Variants in STK38L observed in about 807,000 individuals in gnomAD.
STK38L encodes serine/threonine-protein kinase 38-like.
In STK38L, 28 loss-of-function variants were observed where a neutral mutation model predicts 59.7. That is an observed-to-expected ratio of 0.47 (90% CI 0.35 to 0.64). STK38L has a LOEUF of 0.64. Among genes scored for constraint, STK38L ranks in the 30% least tolerant of loss-of-function variants. STK38L has a pLI of 0.01. For missense variants in STK38L, 314 were observed against 555.8 expected (o/e 0.56, Z 4.37); for synonymous variants, 162 against 176.8 (o/e 0.92, Z 0.66).
At chr12:27,300,189 TCTG>T (rs1424501715) in intron 2 of STK38L, among the ~76,000 whole-genome samples, 1 of 152,196 alleles carries the variant, frequency 6.6e-6, no homozygotes, top group Non-Finnish European at 1.5e-5. Context: ...AGTCGAACAA[TCTG>T]CTCATATTTT....
At chr12:27,274,361 A>G (rs1943487962) in intron 1 of STK38L, among the ~76,000 whole-genome samples, 1 of 152,214 alleles carries the variant, frequency 6.6e-6, no homozygotes, top group South Asian at 2.1e-4. Flanking sequence ...CCAGAACTTA[A>G]CTATCCTCTC....
At chr12:27,257,638 A>G (rs1943117279) in intron 1 of STK38L, among the ~76,000 whole-genome samples, 1 of 152,144 alleles carries the variant, frequency 6.6e-6, no homozygotes, top group East Asian at 1.9e-4. Context: ...CCAGAGGATG[A>G]CTTAATTTTC....
chr12:27,257,528 C>T (rs1212199525), intron 1 of STK38L, among the ~76,000 whole-genome samples: 1 of 152,232 alleles, frequency 6.6e-6, no homozygotes, highest in Non-Finnish European at 1.5e-5. Flanking sequence ...TTTGACCAGA[C>T]TTGGGTATCC....
Position 27,319,164 on chromosome 12 carries a change from TA to T in STK38L, c.1080-163del, listed in dbSNP as rs1461218363. Among the ~76,000 whole-genome samples, 3 of 152,328 alleles carry T rather than the reference TA, an allele frequency of 2.0e-5. No individual in the cohort carries two copies. The East Asian group carries it at 5.8e-4, about 29-fold the overall frequency. ...AGTAGTTATCTCTAAACAGTGCGCT[TA>T]CAGATGATTTTTATTTTCTTCCACA... On this transcript the variant is annotated intron_variant, in intron 11 of 13. Transcript: ENST00000389032.
chr12:27,251,563 A>G (rs1301850764), intron 1 of STK38L, among the ~76,000 whole-genome samples: 1 of 152,216 alleles, frequency 6.6e-6, no homozygotes, highest in African/African-American at 2.4e-5. Context: ...TTGTAGAGTA[A>G]AAGCTGCTAC....
intron 1 of STK38L, among the ~76,000 whole-genome samples, chr12:27,256,280 A>T (rs150413051): frequency 1.3e-5 from 2 of 152,118 alleles, no homozygotes; most frequent in Non-Finnish European, 2.9e-5. Context: ...GTGACTCCCC[A>T]TGGCCTCTTC....
At position 27,324,546 on chromosome 12, in the gene STK38L, C is replaced by T. The variant is rs1318189439; in HGVS notation, c.*2091C>T. On this transcript the variant is annotated 3_prime_UTR_variant, in exon 14 of 14. Transcript: ENST00000389032. ...TTTACCTAAGTTTACTTTTTAATTG[C>T]ATAATAGAGCATTTTTTGTTTTGAG... The T allele has an allele frequency of 6.6e-6, 1 of 151,990 alleles. No homozygotes were observed. Among genetic ancestry groups the T allele is most frequent in the Non-Finnish European group, 1.5e-5 (1 of 67,924 alleles). The allele number at this position is 151,990 out of a possible 1,614,324, so 9.4% of individuals were successfully genotyped here. A position where few individuals can be genotyped will look rare whatever the true frequency, so the allele number is the denominator to read the frequency against.
In STK38L at chr12:27,269,963, C is replaced by CT. The variant is rs1183956188; in HGVS notation, c.-12+25637dup. Among the ~76,000 whole-genome samples, 8 of 152,260 alleles carry CT rather than the reference C, an allele frequency of 5.3e-5. No individual in the cohort carries two copies. In the East Asian group the frequency reaches 1.2e-3, roughly 22 times the overall value. On this transcript the variant is annotated intron_variant, in intron 1 of 13. Coordinates refer to ENST00000389032, the MANE Select transcript of STK38L (RefSeq NM_015000.4). ...CGGCCAACTTTCAATCGTAAGTACC[C>CT]TTTTTTGCTGCTGTTTCTTTTTTTG...
chr12:27,249,783 C>T (rs1335279398), intron 1 of STK38L, among the ~76,000 whole-genome samples: 1 of 152,170 alleles, frequency 6.6e-6, no homozygotes, highest in East Asian at 1.9e-4. Flanking sequence ...CTCGTTGATT[C>T]CACAGGTATA....
chr12:27,316,332 G>T (rs1180667959), intron 9 of STK38L, among the ~76,000 whole-genome samples: 1 of 152,124 alleles, frequency 6.6e-6, no homozygotes, highest in African/African-American at 2.4e-5. Flanking sequence ...GAGAATAATT[G>T]CAATATTCCC....
In STK38L at chr12:27,284,902, C is replaced by T. The variant is rs61135864; in HGVS notation, c.-11-12808C>T. ...GATGCCTTCTGTTTTCTCATGGTTG[C>T]GGAAGTCAAGTGGTCTGTGTGTTTA... On this transcript the variant is annotated intron_variant, in intron 1 of 13. Coordinates refer to ENST00000389032, the MANE Select transcript of STK38L (RefSeq NM_015000.4). Among the ~76,000 whole-genome samples, 88 of 152,206 alleles carry T rather than the reference C, an allele frequency of 5.8e-4. 1 individual carries two copies. In the East Asian group the frequency reaches 9.4e-3, roughly 16 times the overall value.
At chr12:27,306,752 C>CACACACACACACACAT (rs1491536388) in intron 3 of STK38L, among the ~76,000 whole-genome samples, 19 of 139,728 alleles carry the variant, frequency 1.4e-4, no homozygotes, top group Middle Eastern at 3.8e-3. Context: ...CACACACACA[C>CACACACACACACACAT]ATATATTTGA....
chr12:27,290,067 C>G (rs553173790), intron 1 of STK38L, among the ~76,000 whole-genome samples: 1 of 152,250 alleles, frequency 6.6e-6, no homozygotes, highest in African/African-American at 2.4e-5. Context: ...AATTTTTGAG[C>G]ATTAATATGT....
chr12:27,312,925 G>T (rs1215547329), intron 6 of STK38L, among the ~76,000 whole-genome samples: 1 of 152,146 alleles, frequency 6.6e-6, no homozygotes, highest in African/African-American at 2.4e-5. Flanking sequence ...GTTATAAGTT[G>T]TGTTAGTTTA....
chr12:27,257,160 G>T (rs979879049), intron 1 of STK38L, among the ~76,000 whole-genome samples: 2 of 152,204 alleles, frequency 1.3e-5, no homozygotes, highest in African/African-American at 4.8e-5. Flanking sequence ...ACTGTGAGTG[G>T]AACAGAAGCT....
Position 27,309,134 on chromosome 12 carries a change from A to G in STK38L, c.330A>G (p.Lys110=). 6.3e-7 allele frequency: 1 copy of G among 1,597,392 alleles called. No homozygotes were observed. The highest frequency in any genetic ancestry group is 8.5e-7 in the Non-Finnish European group (1 of 1,172,338). The change falls in exon 5 of 14, where the codon AAA becomes AAG. Residue 110 remains lysine, a synonymous_variant. Coordinates refer to ENST00000389032, the MANE Select transcript of STK38L (RefSeq NM_015000.4). ...AFGEVRLVQK[K]DTGHIYAMKI... ...TTTAGGTGCGGTTGGTCCAGAAGAA[A>G]GATACAGGCCATATCTATGCAATGA...
chr12:27,249,291 T>G (rs1045472916), intron 1 of STK38L, among the ~76,000 whole-genome samples: 1 of 152,216 alleles, frequency 6.6e-6, no homozygotes, highest in African/African-American at 2.4e-5. Flanking sequence ...GCCTTGGCAA[T>G]TGTCTGTGGT....
chr12:27,289,390 A>G (rs1236127208), intron 1 of STK38L, among the ~76,000 whole-genome samples: 1 of 152,212 alleles, frequency 6.6e-6, no homozygotes, highest in Non-Finnish European at 1.5e-5. Flanking sequence ...ATTTTTAGTA[A>G]TTATTTGGAC....
At chr12:27,274,590 A>G (rs979563111) in intron 1 of STK38L, among the ~76,000 whole-genome samples, 3 of 152,338 alleles carry the variant, frequency 2.0e-5, no homozygotes, top group Admixed American at 6.5e-5. Flanking sequence ...GTTTAATAAT[A>G]TATCATGTTC....
Sources: allele counts gnomAD v4.1 joint callset (sites outside exome capture counted in the v4.1 genomes callset), GRCh38; gene constraint gnomAD v4.1.1; transcripts MANE v1.5; gene names NCBI Gene and HGNC (gene_info 2026-07-23, HGNC 2026-07-21).